DIAPH2: variants seen among roughly 807,000 people sequenced by gnomAD.
DIAPH2 encodes protein diaphanous homolog 2.
In DIAPH2, 35 loss-of-function variants were observed where a neutral mutation model predicts 92.7. The ratio of observed to expected loss-of-function variants is 0.38; its 90% CI spans 0.29 to 0.50. The LOEUF is 0.50. Among genes scored for constraint, DIAPH2 ranks in the 20% least tolerant of loss-of-function variants. The pLI is 0.94. For synonymous variants in DIAPH2, 301 were observed against 280.4 expected (o/e 1.07, Z -0.73); for missense variants, 701 against 819.5 (o/e 0.86, Z 1.77).
chrX:97,544,562 C>G (rs2147858977), intron 26 of DIAPH2, among the ~76,000 whole-genome samples: 1 of 112,038 alleles, frequency 8.9e-6, no homozygotes, highest in South Asian at 3.7e-4. Flanking sequence ...TATTACTTCC[C>G]TGTGGAGGCT....
rs761296522 is a variant in DIAPH2, at chrX:97,425,862, A to C, written c.3146-3788A>C. Among the ~76,000 whole-genome samples, 3 of 108,160 alleles carry C rather than the reference A, an allele frequency of 2.8e-5. No homozygotes were observed. In the South Asian group the frequency reaches 1.2e-3, roughly 43 times the overall value. The allele number at this position is 108,160 out of a possible 115,157, so 93.9% of individuals were successfully genotyped here. A position where few individuals can be genotyped will look rare whatever the true frequency, so the allele number is the denominator to read the frequency against. On this transcript the variant is annotated intron_variant, in intron 25 of 26. Coordinates refer to ENST00000324765, the MANE Select transcript of DIAPH2 (RefSeq NM_006729.5). Reference sequence around the variant, plus strand: ...TGTGTGTGTATAATTTTTACTTGTCAATTAAAAATTCTTAAATATTTTTTA... The same window carrying C: ...TGTGTGTGTATAATTTTTACTTGTCCATTAAAAATTCTTAAATATTTTTTA...
At chrX:96,788,227 T>G (rs762630169) in intron 4 of DIAPH2, among the ~76,000 whole-genome samples, 1 of 112,074 alleles carries the variant, frequency 8.9e-6, no homozygotes, top group Admixed American at 9.5e-5. Flanking sequence ...ACATAAATGA[T>G]GTGTAACGGC....
chrX:97,104,550 A>T (rs1271579766), intron 20 of DIAPH2, among the ~76,000 whole-genome samples: 3 of 109,801 alleles, frequency 2.7e-5, no homozygotes, highest in South Asian at 4.0e-4. Context: ...TAATTTTTTT[A>T]AAAATTTTTC....
At chrX:97,525,710 C>T (rs2071020272) in intron 26 of DIAPH2, among the ~76,000 whole-genome samples, 1 of 112,048 alleles carries the variant, frequency 8.9e-6, no homozygotes, top group African/African-American at 3.2e-5. Context: ...ATACAATATT[C>T]TTTTACTTTA....
intron 23 of DIAPH2, among the ~76,000 whole-genome samples, chrX:97,304,397 A>G (rs1303345626): frequency 1.8e-5 from 2 of 112,509 alleles, no homozygotes; most frequent in African/African-American, 6.4e-5. Flanking sequence ...TTATAACAGC[A>G]GTATTAAAAC....
At chrX:97,583,081 T>G (rs1475709426) in intron 26 of DIAPH2, among the ~76,000 whole-genome samples, 2 of 111,221 alleles carry the variant, frequency 1.8e-5, no homozygotes, top group Non-Finnish European at 3.8e-5. Context: ...TCTTCTAAAT[T>G]TTTTTCAAAG....
intron 22 of DIAPH2, among the ~76,000 whole-genome samples, chrX:97,143,638 C>G (rs1222279175): frequency 9.1e-6 from 1 of 110,337 alleles, no homozygotes; most frequent in African/African-American, 3.3e-5. Context: ...TCCAGCAGTT[C>G]CACTACTAGG....
At chrX:97,237,730 T>C (rs1396024225) in intron 22 of DIAPH2, among the ~76,000 whole-genome samples, 4 of 110,492 alleles carry the variant, frequency 3.6e-5, no homozygotes, top group South Asian at 3.9e-4. Context: ...CACAGGCGCC[T>C]GCCACCGCGC....
intron 24 of DIAPH2, among the ~76,000 whole-genome samples, chrX:97,362,219 C>T (rs1261054532): frequency 5.7e-5 from 6 of 105,494 alleles, no homozygotes; most frequent in Non-Finnish European, 9.7e-5. Flanking sequence ...CCAGTCTGGG[C>T]GACAGAGCAA....
intron 17 of DIAPH2, among the ~76,000 whole-genome samples, chrX:96,979,919 T>C (rs770423868): frequency 1.8e-5 from 2 of 111,432 alleles, no homozygotes; most frequent in East Asian, 5.7e-4. Flanking sequence ...CTCCACACCT[T>C]GCAGGAGGGG....
chrX:96,754,996 A>G (rs6615860), intron 3 of DIAPH2, among the ~76,000 whole-genome samples: 16,054 of 104,190 alleles, frequency 0.15, 1,192 homozygotes, highest in East Asian at 0.32. Context: ...GGACCACATT[A>G]TGAGTGCTAT....
intron 22 of DIAPH2, among the ~76,000 whole-genome samples, chrX:97,242,108 A>G (rs1464458349): frequency 1.8e-5 from 2 of 111,441 alleles, no homozygotes; most frequent in Admixed American, 9.6e-5. Flanking sequence ...TAAATAAAAA[A>G]ATTCTAGTGA....
intron 23 of DIAPH2, among the ~76,000 whole-genome samples, chrX:97,277,051 G>T (rs1490547232): frequency 8.9e-6 from 1 of 112,558 alleles, no homozygotes; most frequent in Non-Finnish European, 1.9e-5. Context: ...AAAGAGGCAT[G>T]TGGGGCTGGG....
chrX:97,432,003 T>C, intron 26 of DIAPH2, among the ~76,000 whole-genome samples: 1 of 112,182 alleles, frequency 8.9e-6, no homozygotes. Context: ...ATTGTTATAC[T>C]TTCCCTGTTC....
At chrX:96,722,214 G>A (rs761987566) in intron 1 of DIAPH2, among the ~76,000 whole-genome samples, 2 of 110,304 alleles carry the variant, frequency 1.8e-5, no homozygotes, top group East Asian at 2.9e-4. Context: ...AAAATTAGCC[G>A]GGCGTGGTGG....
At chrX:97,125,471 C>CAAAAAAAAAAAAA (rs1159049051) in intron 21 of DIAPH2, among the ~76,000 whole-genome samples, 6 of 19,218 alleles carry the variant, frequency 3.1e-4, no homozygotes, top group African/African-American at 4.6e-4. Flanking sequence ...GACTCCGTCT[C>CAAAAAAAAAAAAA]AAAAAAAAAA....
intron 2 of DIAPH2, among the ~76,000 whole-genome samples, chrX:96,736,034 A>C (rs2064085499): frequency 8.9e-6 from 1 of 111,798 alleles, no homozygotes; most frequent in African/African-American, 3.2e-5. Flanking sequence ...GTTTTTTAAA[A>C]TCTTGTGAAT....
At chrX:97,345,924 TG>T (rs1316574266) in intron 23 of DIAPH2, among the ~76,000 whole-genome samples, 3 of 111,558 alleles carry the variant, frequency 2.7e-5, no homozygotes, top group African/African-American at 9.7e-5. Flanking sequence ...ATTTCTAAGT[TG>T]TAAAAAAGGG....
At chrX:97,194,433 C>T (rs750149179) in intron 22 of DIAPH2, among the ~76,000 whole-genome samples, 3 of 109,761 alleles carry the variant, frequency 2.7e-5, no homozygotes, top group East Asian at 5.8e-4. Flanking sequence ...AGGCACCCGC[C>T]ACCAAGCCCG....
Sources: gnomAD v4.1 joint callset for allele counts (sites outside exome capture counted in the v4.1 genomes callset) on GRCh38, gnomAD v4.1.1 for gene constraint, MANE v1.5 for transcripts, NCBI Gene and HGNC (gene_info 2026-07-23, HGNC 2026-07-21) for gene names.